CUX2: variants seen among roughly 807,000 people sequenced by gnomAD.
CUX2 encodes the protein homeobox protein cut-like 2.
A neutral mutation model predicts 144.8 loss-of-function variants in CUX2; 40 were observed. The observed-to-expected ratio is 0.28, with a 90% CI of 0.21 to 0.36. CUX2 has a LOEUF of 0.36. Among genes scored for constraint, CUX2 ranks in the 10% least tolerant of loss-of-function variants. The pLI is 1.00. For missense variants in CUX2, 1,615 were observed against 1,994.0 expected (o/e 0.81, Z 3.62); for synonymous variants, 827 against 875.6 (o/e 0.94, Z 0.98).
chr12:111,349,271 T>G lies in CUX2; in HGVS notation c.*946T>G, dbSNP rs1462382820. The G allele has an allele frequency of 6.6e-6, 1 of 152,170 alleles. No individual in the cohort carries two copies. The highest frequency in any genetic ancestry group is 1.5e-5 in the Non-Finnish European group (1 of 68,042). The allele number at this position is 152,170 out of a possible 1,614,324, so 9.4% of individuals were successfully genotyped here. A position where few individuals can be genotyped will look rare whatever the true frequency, so the allele number is the denominator to read the frequency against. The stretch of plus-strand genomic sequence containing the variant: ...GCGTTTGAGCCAGAGCGACCCCATT[T>G]CCCGTGTGAACCATAGGCACAACCC... On this transcript the variant is annotated 3_prime_UTR_variant, in exon 22 of 22. Transcript: ENST00000261726.
Position 111,291,404 on chromosome 12 carries a change from C to G in CUX2, c.302-14C>G. The G allele has an allele frequency of 1.3e-6, 2 of 1,588,876 alleles. No individual in the cohort carries two copies. The highest frequency in any genetic ancestry group is 1.7e-6 in the Non-Finnish European group (2 of 1,168,024). On this transcript the variant is annotated splice_polypyrimidine_tract_variant and intron_variant, in intron 4 of 21. Transcript: ENST00000261726. Reference sequence around the variant, plus strand: ...TCAGGCCCTCACTATCCCTGTCTTTCTCTCCCTGCACAGACCCCGTGCCTG... The same window carrying G: ...TCAGGCCCTCACTATCCCTGTCTTTGTCTCCCTGCACAGACCCCGTGCCTG...
chr12:111,099,128 T>A (rs540460001), intron 1 of CUX2, among the ~76,000 whole-genome samples: 13 of 152,236 alleles, frequency 8.5e-5, no homozygotes, highest in African/African-American at 3.1e-4. Context: ...CAATACAGGA[T>A]CCCAAATGCT....
chr12:111,130,957 G>A (rs1875432772), intron 1 of CUX2, among the ~76,000 whole-genome samples: 1 of 152,130 alleles, frequency 6.6e-6, no homozygotes, highest in Admixed American at 6.5e-5. Context: ...CACACCTATT[G>A]CCATGCATGT....
At chr12:111,140,190 C>G (rs958393867) in intron 1 of CUX2, among the ~76,000 whole-genome samples, 3 of 152,218 alleles carry the variant, frequency 2.0e-5, no homozygotes, top group South Asian at 4.1e-4. Context: ...GCAAAAATAG[C>G]AAAAGACTTG....
chr12:111,260,431 T>A (rs112536915), intron 3 of CUX2, among the ~76,000 whole-genome samples: 5,674 of 152,038 alleles, frequency 0.037, 157 homozygotes, highest in African/African-American at 0.072. Flanking sequence ...GCCACTGCAC[T>A]CCAGCCTGGG....
intron 8 of CUX2, among the ~76,000 whole-genome samples, chr12:111,297,407 C>T (rs1225293670): frequency 6.6e-6 from 1 of 152,226 alleles, no homozygotes; most frequent in African/African-American, 2.4e-5. Flanking sequence ...TCATTAAGCA[C>T]CTCTGCTCCT....
intron 1 of CUX2, among the ~76,000 whole-genome samples, chr12:111,152,374 G>A (rs1300837731): frequency 3.3e-5 from 5 of 152,128 alleles, no homozygotes; most frequent in African/African-American, 9.7e-5. Flanking sequence ...AGACCTGGGC[G>A]AGGTGACCAG....
At chr12:111,335,852 G>A (rs779601298) in intron 19 of CUX2, among the ~76,000 whole-genome samples, 10 of 152,124 alleles carry the variant, frequency 6.6e-5, no homozygotes, top group Non-Finnish European at 1.2e-4. Context: ...GCTGCAGTGA[G>A]CTATGATCAT....
At chr12:111,298,875 C>T (rs1203085116) in intron 9 of CUX2, among the ~76,000 whole-genome samples, 1 of 152,172 alleles carries the variant, frequency 6.6e-6, no homozygotes, top group Non-Finnish European at 1.5e-5. Context: ...GCCGCTGACC[C>T]AGACTGCGGG....
intron 4 of CUX2, among the ~76,000 whole-genome samples, chr12:111,283,230 AC>A (rs1293590943): frequency 6.6e-6 from 1 of 150,870 alleles, no homozygotes; most frequent in Non-Finnish European, 1.5e-5. Flanking sequence ...AAAAAAAAAA[AC>A]CTATCCCCAA....
intron 1 of CUX2, among the ~76,000 whole-genome samples, chr12:111,132,743 T>C (rs1304317569): frequency 6.6e-6 from 1 of 151,808 alleles, no homozygotes; most frequent in Non-Finnish European, 1.5e-5. Context: ...ATTTTTCTAT[T>C]TTTTATTAGA....
chr12:111,117,721 A>G (rs1012543889), intron 1 of CUX2, among the ~76,000 whole-genome samples: 1 of 152,150 alleles, frequency 6.6e-6, no homozygotes, highest in Non-Finnish European at 1.5e-5. Context: ...CCCCACAACA[A>G]TCCTATCAGG....
At chr12:111,341,165 G>A (rs998650854) in intron 20 of CUX2, among the ~76,000 whole-genome samples, 1 of 152,162 alleles carries the variant, frequency 6.6e-6, no homozygotes, top group African/African-American at 2.4e-5. Flanking sequence ...ATGGTGGCGT[G>A]CACCTGTAGT....
chr12:111,223,953 G>C (rs562552646), intron 3 of CUX2, among the ~76,000 whole-genome samples: 1 of 152,136 alleles, frequency 6.6e-6, no homozygotes, highest in Non-Finnish European at 1.5e-5. Context: ...GCATTCACTG[G>C]TGCTTAGCAT....
intron 4 of CUX2, among the ~76,000 whole-genome samples, chr12:111,267,436 CAG>C (rs1339849115): frequency 6.6e-6 from 1 of 152,132 alleles, no homozygotes; most frequent in Non-Finnish European, 1.5e-5. Flanking sequence ...CTCTGTGGCA[CAG>C]AGAGGTTGAG....
Position 111,325,660 on chromosome 12 carries a change from G to T in CUX2, c.2926+3080G>T, listed in dbSNP as rs559631197. 3.1e-3 allele frequency among the ~76,000 whole-genome samples: 302 copies of T among 96,324 alleles called. 1 individual carries two copies. The highest frequency in any genetic ancestry group is 1.0e-2 in the African/African-American group (233 of 23,318). The allele number at this position is 96,324 out of a possible 152,430, so 63.2% of individuals were successfully genotyped here. The stretch of plus-strand genomic sequence containing the variant: ...GGTGGGTTTTGTTTATAGTGTTGTG[G>T]TGGGGGAGGGGTGGGTTTTGTTTAT... On this transcript the variant is annotated intron_variant, in intron 18 of 21. Coordinates refer to ENST00000261726, the MANE Select transcript of CUX2 (RefSeq NM_015267.4).
chr12:111,043,526 A>C (rs1342991099), intron 1 of CUX2, among the ~76,000 whole-genome samples: 2 of 152,206 alleles, frequency 1.3e-5, no homozygotes, highest in Non-Finnish European at 1.5e-5. Context: ...ACGACACTGC[A>C]TGGTGGCCGG....
At chr12:111,234,244 C>G (rs1882621260) in intron 3 of CUX2, among the ~76,000 whole-genome samples, 1 of 152,228 alleles carries the variant, frequency 6.6e-6, no homozygotes, top group South Asian at 2.1e-4. Context: ...GCCTTGCACA[C>G]AGTGGTACAT....
intron 3 of CUX2, among the ~76,000 whole-genome samples, chr12:111,244,410 C>T (rs940270987): frequency 2.0e-5 from 3 of 152,220 alleles, no homozygotes; most frequent in Admixed American, 6.5e-5. Context: ...GTGCTTTCTC[C>T]AGCTCCCCAT....
Sources: gnomAD v4.1 joint callset for allele counts (sites outside exome capture counted in the v4.1 genomes callset) on GRCh38, gnomAD v4.1.1 for gene constraint, MANE v1.5 for transcripts, NCBI Gene and HGNC (gene_info 2026-07-23, HGNC 2026-07-21) for gene names.